Variants in ID4 observed in about 807,000 individuals in gnomAD.
ID4 encodes the protein inhibitor of DNA binding 4.
A neutral mutation model predicts 8.6 loss-of-function variants in ID4; 9 were observed. The observed-to-expected ratio is 1.04, with a 90% confidence interval of 0.63 to 1.82. ID4 has a LOEUF of 1.82. Among genes scored for constraint, ID4 ranks in the 40% most tolerant of loss-of-function variants. The pLI, the probability that ID4 is intolerant of heterozygous loss-of-function variation, is 0.00. For synonymous variants in ID4, 180 were observed against 118.0 expected, an observed-to-expected ratio of 1.53 and a Z score of -3.41; for missense variants, 270 against 235.1, an observed-to-expected ratio of 1.15 and a Z score of -0.97.
rs751245015 is a variant in ID4, at chr6:19,841,213, C to A, written c.*2018C>A. Among the ~76,000 whole-genome samples the A allele has an allele frequency of 1.5e-4, 23 of 152,082 alleles. No homozygotes were observed. The highest frequency in any genetic ancestry group is 3.1e-4 in the Non-Finnish European group (21 of 67,982). ...AGTATTTTGAGAATTTGATGTTGAACGTTATAAAGTCAAAGAACTGCTTGT... is the reference window on the plus strand; with the variant it reads ...AGTATTTTGAGAATTTGATGTTGAAAGTTATAAAGTCAAAGAACTGCTTGT... On this transcript the variant is annotated 3_prime_UTR_variant, in exon 3 of 3. Transcript: ENST00000378700.
chr6:19,838,664 C>G (rs757159686), intron 2 of ID4, 22 bp downstream of exon 2: 4 of 1,606,912 alleles, frequency 2.5e-6, no homozygotes, highest in East Asian at 4.5e-5. Context: ...TTTCCCGTCT[C>G]GGGTGGCCGG....
At chr6:19,838,245 T>C (rs1761269920) in intron 1 of ID4, 50 bp downstream of exon 1, 4 of 1,308,512 alleles carry the variant, frequency 3.1e-6, no homozygotes, top group Non-Finnish European at 2.9e-6. Flanking sequence ...GGATGGGAGG[T>C]TGGTGGCGTG....
rs1037048793 is a variant in ID4, at chr6:19,839,647, A to T, written c.*452A>T. On this transcript the variant is annotated 3_prime_UTR_variant, in exon 3 of 3. Coordinates refer to ENST00000378700, the MANE Select transcript of ID4 (RefSeq NM_001546.4). ...TTTTTACATCTATTGTTTAAAATAG[A>T]TGATTATAACGGGGCAGAGAACTTT... The T allele has an allele frequency of 1.3e-5, 2 of 152,496 alleles. No homozygotes were observed. Among genetic ancestry groups the T allele is most frequent in the African/African-American group, 4.8e-5 (2 of 41,356 alleles). The allele number at this position is 152,496 out of a possible 1,614,324, so 9.4% of individuals were successfully genotyped here.
rs1433003950 is a variant in ID4 at position 19,839,524 on chromosome 6, C to G, written c.*329C>G. The G allele has an allele frequency of 2.6e-5, 4 of 152,520 alleles. No homozygotes were observed. Among genetic ancestry groups the G allele is most frequent in the Non-Finnish European group, 4.4e-5 (3 of 68,032 alleles). 9.4% of individuals were successfully genotyped at this position (152,520 alleles called of 1,614,324 possible). Reference sequence around the variant, plus strand: ...GTGACAGGACTGATAAATAGAAGATCAAGAGTAGATCCGACTTTAGAAGCC... The same window carrying G: ...GTGACAGGACTGATAAATAGAAGATGAAGAGTAGATCCGACTTTAGAAGCC... On this transcript the variant is annotated 3_prime_UTR_variant, in exon 3 of 3. Transcript: ENST00000378700.
Position 19,837,853 on chromosome 6 carries a change from C to G in ID4, c.99C>G (p.His33Gln), listed in dbSNP as rs565961585. 120 of 1,221,310 alleles carry G rather than the reference C, an allele frequency of 9.8e-5. 2 individuals carry two copies. The South Asian group carries it at 3.3e-3, about 34-fold the overall frequency. The allele number at this position is 1,221,310 out of a possible 1,614,324, so 75.7% of individuals were successfully genotyped here. A position where few individuals can be genotyped will look rare whatever the true frequency, so the allele number is the denominator to read the frequency against. ...LALRCLAEHG[H>Q]SLGGSAAAAA... is the part of the protein sequence containing the mutation. ...TGCGCTGCCTGGCCGAGCACGGCCA[C>G]AGCCTGGGTGGCTCCGCAGCCGCGG... Residue 33 changes from histidine (H) to glutamine (Q), a missense_variant, in exon 1 of 3, where the codon CAC becomes CAG. His to Gln is a conservative substitution (Grantham distance 24). Transcript: ENST00000378700.
At chr6:19,838,558 C>A in intron 1 of ID4, 26 bp from the exon 2 acceptor site, 1 of 1,614,000 alleles carries the variant, frequency 6.2e-7, no homozygotes, top group Non-Finnish European at 8.5e-7. Context: ...GCTAACCTTT[C>A]CCTTGGTGTT....
Position 19,840,750 on chromosome 6 carries a change from C to T in ID4, c.*1555C>T, listed in dbSNP as rs1761345297. The T allele has an allele frequency of 1.3e-5, 2 of 151,894 alleles. No homozygotes were observed. The highest frequency in any genetic ancestry group is 2.9e-5 in the Non-Finnish European group (2 of 67,948). The allele number at this position is 151,894 out of a possible 1,614,324, so 9.4% of individuals were successfully genotyped here. On this transcript the variant is annotated 3_prime_UTR_variant, in exon 3 of 3. Coordinates refer to ENST00000378700, the MANE Select transcript of ID4 (RefSeq NM_001546.4). The stretch of plus-strand genomic sequence containing the variant: ...TTTTTCTTTTAAGGCTCTTTTTTCT[C>T]CTTAAGGAAGGTAATATTTTCTAGG...
Position 19,839,454 on chromosome 6 carries a change from A to G in ID4, c.*259A>G, listed in dbSNP as rs975587754. ...CATTTATAACTGCTGTGAATTGTAC[A>G]TTTCTGTGTTTTTTGGAGGTGCAGT... On this transcript the variant is annotated 3_prime_UTR_variant, in exon 3 of 3. Coordinates refer to ENST00000378700, the MANE Select transcript of ID4 (RefSeq NM_001546.4). The G allele has an allele frequency of 6.6e-6, 1 of 152,514 alleles. No homozygotes were observed. The highest frequency in any genetic ancestry group is 1.5e-5 in the Non-Finnish European group (1 of 68,006). The allele number at this position is 152,514 out of a possible 1,614,324, so 9.4% of individuals were successfully genotyped here. A position where few individuals can be genotyped will look rare whatever the true frequency, so the allele number is the denominator to read the frequency against.
intron 1 of ID4, 145 bp from the exon 2 acceptor site, chr6:19,838,439 C>G: frequency 1.7e-6 from 2 of 1,178,994 alleles, no homozygotes. Flanking sequence ...TCAAGTCCCG[C>G]CTGAGCCCGG....
In ID4 at chr6:19,839,659, G is replaced by A. The variant is rs1397994275; in HGVS notation, c.*464G>A. 1 of 152,102 alleles carries A rather than the reference G, an allele frequency of 6.6e-6. No homozygotes were observed. The highest frequency in any genetic ancestry group is 1.5e-5 in the Non-Finnish European group (1 of 67,952). 9.4% of individuals were successfully genotyped at this position (152,102 alleles called of 1,614,324 possible). A position where few individuals can be genotyped will look rare whatever the true frequency, so the allele number is the denominator to read the frequency against. ...TTGTTTAAAATAGATGATTATAACGGGGCAGAGAACTTTCTTTTCTCTGCA... is the reference window on the plus strand; with the variant it reads ...TTGTTTAAAATAGATGATTATAACGAGGCAGAGAACTTTCTTTTCTCTGCA... On this transcript the variant is annotated 3_prime_UTR_variant, in exon 3 of 3. Coordinates refer to ENST00000378700, the MANE Select transcript of ID4 (RefSeq NM_001546.4).
chr6:19,837,953 G>C lies in ID4; in HGVS notation c.199G>C (p.Asp67His). Residue 67 changes from aspartate (D) to histidine (H), a missense_variant, in exon 1 of 3, where the codon GAT becomes CAT. Around this residue, in one of 3 missense-constraint regions of ID4, gnomAD observed 160 missense variants for 131.5 expected, o/e 1.22. Coordinates refer to ENST00000378700, the MANE Select transcript of ID4 (RefSeq NM_001546.4). ...CGAGCCGGCGCTGTGCCTGCAGTGCGATATGAACGACTGCTATAGCCGCCT... is the reference window on the plus strand; with the variant it reads ...CGAGCCGGCGCTGTGCCTGCAGTGCCATATGAACGACTGCTATAGCCGCCT... The part of the protein sequence containing the change: ...ADEPALCLQC[D>H]MNDCYSRLRR... The C allele has an allele frequency of 6.4e-7, 1 of 1,550,986 alleles. No individual in the cohort carries two copies. The highest frequency in any genetic ancestry group is 8.7e-7 in the Non-Finnish European group (1 of 1,149,188).
Position 19,839,798 on chromosome 6 carries a change from AT to A in ID4, c.*608del, listed in dbSNP as rs1168584466. ...TTAATAGATACTGTAATTATAAGAT[AT>A]TTTTAATTAAATATTTTTTTGTAAA... On this transcript the variant is annotated 3_prime_UTR_variant, in exon 3 of 3. Transcript: ENST00000378700. 6.6e-6 allele frequency: 1 copy of A among 152,102 alleles called. No homozygotes were observed. The highest frequency in any genetic ancestry group is 2.4e-5 in the African/African-American group (1 of 41,336). 9.4% of individuals were successfully genotyped at this position (152,102 alleles called of 1,614,324 possible).
Position 19,841,323 on chromosome 6 carries a change from A to C in ID4, c.*2128A>C, listed in dbSNP as rs755619555. Among the ~76,000 whole-genome samples, 2 of 152,208 alleles carry C rather than the reference A, an allele frequency of 1.3e-5. No individual in the cohort carries two copies. Among genetic ancestry groups the C allele is most frequent in the Non-Finnish European group, 2.9e-5 (2 of 68,022 alleles). The stretch of plus-strand genomic sequence containing the variant: ...AACACTAGAGTGCTGCTGGAATTCC[A>C]AATCTGAAGAATTCTAACGACTGCA... On this transcript the variant is annotated 3_prime_UTR_variant, in exon 3 of 3. Coordinates refer to ENST00000378700, the MANE Select transcript of ID4 (RefSeq NM_001546.4).
At chr6:19,838,905 T>G (rs1172213504) in intron 2 of ID4, 14 of 535,298 alleles carry the variant, frequency 2.6e-5, no homozygotes, top group Non-Finnish European at 4.3e-5. Flanking sequence ...AGCGGGCTCT[T>G]CTGCCTTCCC....
chr6:19,838,524 G>T (rs1761280669), intron 1 of ID4, 60 bp from the exon 2 acceptor site: 1 of 1,606,492 alleles, frequency 6.2e-7, no homozygotes, highest in African/African-American at 1.3e-5. Context: ...ATCCAGGACC[G>T]TGTCGAGCGC....
At chr6:19,838,233 G>A (rs1761269340) in intron 1 of ID4, 38 bp downstream of exon 1, 2 of 1,320,022 alleles carry the variant, frequency 1.5e-6, no homozygotes, top group Non-Finnish European at 1.9e-6. Context: ...GGACGCCGCG[G>A]GGGATGGGAG....
chr6:19,838,120 G>C lies in ID4; in HGVS notation c.366G>C (p.Ala122=), dbSNP rs1761265043. The C allele has an allele frequency of 6.3e-7, 1 of 1,584,166 alleles. No individual in the cohort carries two copies. Among genetic ancestry groups the C allele is most frequent in the African/African-American group, 1.4e-5 (1 of 73,486 alleles). The change falls in exon 1 of 3, where the codon GCG becomes GCC. Residue 122 remains alanine, a synonymous_variant. Transcript: ENST00000378700. ...PALLRQPPPP[A]PPHHPAGTCP... ...TGCTGAGGCAGCCACCACCGCCCGCGCCGCCACACCACCCGGCCGGGACCT... is the reference window on the plus strand; with the variant it reads ...TGCTGAGGCAGCCACCACCGCCCGCCCCGCCACACCACCCGGCCGGGACCT...
chr6:19,838,085 C>T lies in ID4; in HGVS notation c.331C>T (p.His111Tyr). The T allele has an allele frequency of 1.2e-6, 2 of 1,604,466 alleles. No homozygotes were observed. Among genetic ancestry groups the T allele is most frequent in the East Asian group, 2.3e-5 (1 of 44,352 alleles). The change falls in exon 1 of 3, where the codon CAC becomes TAC. Residue 111 changes from histidine to tyrosine, a missense_variant. Physicochemically the swap from His to Tyr is moderately conservative, Grantham distance 83. Around this residue, in one of 3 missense-constraint regions of ID4, gnomAD observed 107 missense variants for 81.0 expected, o/e 1.32. Coordinates refer to ENST00000378700, the MANE Select transcript of ID4 (RefSeq NM_001546.4). ...ILDLQLALETHPALLRQPPPP... is the reference protein window; with the variant it reads ...ILDLQLALETYPALLRQPPPP... Reference sequence around the variant, plus strand: ...GGACCTGCAGCTGGCGCTGGAGACGCACCCGGCCCTGCTGAGGCAGCCACC... The same window carrying T: ...GGACCTGCAGCTGGCGCTGGAGACGTACCCGGCCCTGCTGAGGCAGCCACC...
chr6:19,841,212 A>G lies in ID4; in HGVS notation c.*2017A>G, dbSNP rs1761353975. ...GAGTATTTTGAGAATTTGATGTTGA[A>G]CGTTATAAAGTCAAAGAACTGCTTG... On this transcript the variant is annotated 3_prime_UTR_variant, in exon 3 of 3. Transcript: ENST00000378700. Among the ~76,000 whole-genome samples the G allele has an allele frequency of 6.6e-6, 1 of 152,186 alleles. No individual in the cohort carries two copies. Among genetic ancestry groups the G allele is most frequent in the East Asian group, 1.9e-4 (1 of 5,200 alleles).
Sources: allele counts gnomAD v4.1 joint callset (sites outside exome capture counted in the v4.1 genomes callset), GRCh38; gene constraint gnomAD v4.1.1; regional missense constraint gnomAD v4.1.1; transcripts MANE v1.5; gene names NCBI Gene and HGNC (gene_info 2026-07-23, HGNC 2026-07-21).